Variants in JAKMIP2 observed in about 807,000 individuals in gnomAD.
JAKMIP2 encodes janus kinase and microtubule-interacting protein 2.
JAKMIP2 carries 25 observed loss-of-function variants against 115.0 expected under a neutral mutation model. That is an observed-to-expected ratio of 0.22 (90% CI 0.16 to 0.30). JAKMIP2 has a LOEUF of 0.30. JAKMIP2 is among the 10% of genes least tolerant of loss of function. The pLI, the probability that JAKMIP2 is intolerant of heterozygous loss-of-function variation, is 1.00. For missense variants in JAKMIP2, 642 were observed against 957.6 expected, an observed-to-expected ratio of 0.67 and a Z score of 4.35; for synonymous variants, 334 against 343.6, an observed-to-expected ratio of 0.97 and a Z score of 0.31.
chr5:147,608,055 C>A (rs1337831235), intron 20 of JAKMIP2, among the ~76,000 whole-genome samples: 1 of 151,114 alleles, frequency 6.6e-6, no homozygotes, highest in Non-Finnish European at 1.5e-5. Flanking sequence ...CTATTTGATT[C>A]TTCTCTCTTT....
At chr5:147,773,799 T>C (rs977188129) in intron 1 of JAKMIP2, among the ~76,000 whole-genome samples, 3 of 152,150 alleles carry the variant, frequency 2.0e-5, no homozygotes, top group African/African-American at 7.2e-5. Context: ...CGTAGGCTAA[T>C]ATTTTCCTTT....
chr5:147,693,545 C>A (rs183641212), intron 1 of JAKMIP2, among the ~76,000 whole-genome samples: 1 of 151,616 alleles, frequency 6.6e-6, no homozygotes, highest in African/African-American at 2.4e-5. Flanking sequence ...TGTGGGATTA[C>A]GGGTGGCAAA....
intron 16 of JAKMIP2, among the ~76,000 whole-genome samples, chr5:147,626,519 C>T (rs969522886): frequency 6.6e-5 from 10 of 152,156 alleles, no homozygotes; most frequent in Non-Finnish European, 1.5e-4. Context: ...CAACTTCAGG[C>T]TGTGTGACCT....
At chr5:147,687,191 G>A (rs777477434) in intron 1 of JAKMIP2, among the ~76,000 whole-genome samples, 1 of 152,116 alleles carries the variant, frequency 6.6e-6, no homozygotes, top group Admixed American at 6.6e-5. Flanking sequence ...TGTCATTATT[G>A]ACCATTTACT....
chr5:147,718,458 C>A (rs1393955038), intron 1 of JAKMIP2, among the ~76,000 whole-genome samples: 1 of 152,132 alleles, frequency 6.6e-6, no homozygotes, highest in South Asian at 2.1e-4. Flanking sequence ...TAGAATTCAG[C>A]TGTGAATCCA....
intron 1 of JAKMIP2, among the ~76,000 whole-genome samples, chr5:147,773,392 G>A (rs527443082): frequency 2.2e-4 from 34 of 152,184 alleles, no homozygotes; most frequent in African/African-American, 7.7e-4. Context: ...TTGACTACAC[G>A]GCCAAAGATC....
chr5:147,613,698 G>A (rs975598241), intron 19 of JAKMIP2, among the ~76,000 whole-genome samples: 5 of 152,026 alleles, frequency 3.3e-5, no homozygotes, highest in East Asian at 3.9e-4. Context: ...CTAAACATTC[G>A]ATAAGGCACA....
rs147198648 is a variant in JAKMIP2 at position 147,694,750 on chromosome 5, C to CAGAAT, written c.-148-22801_-148-22797dup. Among the ~76,000 whole-genome samples the CAGAAT allele has an allele frequency of 2.8e-3, 430 of 152,236 alleles. 2 individuals carry two copies. Among genetic ancestry groups the CAGAAT allele is most frequent in the African/African-American group, 0.01 (417 of 41,538 alleles). ...TCACTCTTCTTTGCTGTTGAATAGC[C>CAGAAT]AGAATTCATCTTTGAAAAATTTACT... On this transcript the variant is annotated intron_variant, in intron 1 of 21. Transcript: ENST00000616793.
At chr5:147,653,453 A>T (rs541491657) in intron 3 of JAKMIP2, among the ~76,000 whole-genome samples, 26 of 152,192 alleles carry the variant, frequency 1.7e-4, no homozygotes, top group African/African-American at 6.3e-4. Context: ...GCATTTCTCA[A>T]ATAATCAGAG....
chr5:147,763,903 G>A (rs1016904488), intron 1 of JAKMIP2, among the ~76,000 whole-genome samples: 8 of 152,056 alleles, frequency 5.3e-5, no homozygotes, highest in African/African-American at 1.9e-4. Context: ...AGCAAGAATA[G>A]ACAAAATTAA....
intron 7 of JAKMIP2, among the ~76,000 whole-genome samples, chr5:147,643,672 T>C (rs1316166881): frequency 6.6e-6 from 1 of 152,168 alleles, no homozygotes; most frequent in Non-Finnish European, 1.5e-5. Context: ...AATTGAGACC[T>C]GGGAAACAAG....
In JAKMIP2 at chr5:147,593,481, G is replaced by A. The variant is rs180808747; in HGVS notation, c.*21-1795C>T. Among the ~76,000 whole-genome samples, 16 of 152,296 alleles carry A rather than the reference G, an allele frequency of 1.1e-4. 1 individual carries two copies. In the Middle Eastern group the frequency reaches 0.014, roughly 130 times the overall value. ...CTTCTTCCTCCCTGCTCTCCAGAAC[G>A]GCTGAGCCTTGAAGAGGAAGAGAAG... On this transcript the variant is annotated intron_variant, in intron 21 of 21. Coordinates refer to ENST00000616793, the MANE Select transcript of JAKMIP2 (RefSeq NM_001270941.2).
chr5:147,746,071 T>A (rs2127007263), intron 1 of JAKMIP2, among the ~76,000 whole-genome samples: 1 of 152,268 alleles, frequency 6.6e-6, no homozygotes, highest in Non-Finnish European at 1.5e-5. Flanking sequence ...GAAGATGAGA[T>A]CAAAGTTTGT....
At chr5:147,669,847 G>A (rs1759491344) in intron 2 of JAKMIP2, among the ~76,000 whole-genome samples, 1 of 152,146 alleles carries the variant, frequency 6.6e-6, no homozygotes, top group African/African-American at 2.4e-5. Context: ...TACAAGTCCT[G>A]GTTCTCACCT....
At chr5:147,668,445 G>A (rs1363889823) in intron 2 of JAKMIP2, among the ~76,000 whole-genome samples, 3 of 152,196 alleles carry the variant, frequency 2.0e-5, no homozygotes, top group African/African-American at 4.8e-5. Context: ...AGATCTGGGT[G>A]GAAATCCTTT....
At chr5:147,720,677 C>G (rs1406383937) in intron 1 of JAKMIP2, among the ~76,000 whole-genome samples, 16 of 151,614 alleles carry the variant, frequency 1.1e-4, no homozygotes, top group African/African-American at 3.6e-4. Flanking sequence ...ACGTAGTTCT[C>G]GAGCCTTGGT....
rs1279645647 is a variant in JAKMIP2, at chr5:147,586,710, A to T, written c.*4997T>A. On this transcript the variant is annotated 3_prime_UTR_variant, in exon 22 of 22. Coordinates refer to ENST00000616793, the MANE Select transcript of JAKMIP2 (RefSeq NM_001270941.2). ...CCTATTTTTGCTACATTGCCCCTAT[A>T]AGTATATCTTTAGTAGTTTTTTTCC... 3 of 151,590 alleles carry T rather than the reference A, an allele frequency of 2.0e-5. No individual in the cohort carries two copies. Among genetic ancestry groups the T allele is most frequent in the African/African-American group, 7.3e-5 (3 of 41,280 alleles). 9.4% of individuals were successfully genotyped at this position (151,590 alleles called of 1,614,324 possible). A position where few individuals can be genotyped will look rare whatever the true frequency, so the allele number is the denominator to read the frequency against.
At chr5:147,624,901 TA>T (rs1344824090) in intron 16 of JAKMIP2, among the ~76,000 whole-genome samples, 1 of 152,182 alleles carries the variant, frequency 6.6e-6, no homozygotes, top group African/African-American at 2.4e-5. Flanking sequence ...ATTAAGGAAG[TA>T]AAAAACATGA....
rs1206599159 is a variant in JAKMIP2 at position 147,650,544 on chromosome 5, C to G, written c.631G>C (p.Asp211His). Reference protein sequence around the residue: ...ESERDIRRLMDEIKAKDRIIF... With the variant: ...ESERDIRRLMHEIKAKDRIIF... Reference sequence around the variant, plus strand: ...ATCCTGTCCTTGGCTTTGATTTCATCCATCTGAATTAAATGAGACCCAGGA... The same window carrying G: ...ATCCTGTCCTTGGCTTTGATTTCATGCATCTGAATTAAATGAGACCCAGGA... The change falls in exon 4 of 22, where the codon GAT (aspartate) becomes CAT (histidine). Residue 211 changes from aspartate to histidine, a missense_variant. Asp to His is a moderately conservative substitution (Grantham distance 81). Coordinates refer to ENST00000616793, the MANE Select transcript of JAKMIP2 (RefSeq NM_001270941.2). 1 of 1,610,746 alleles carries G rather than the reference C, an allele frequency of 6.2e-7. No individual in the cohort carries two copies. Among genetic ancestry groups the G allele is most frequent in the Non-Finnish European group, 8.5e-7 (1 of 1,177,956 alleles).
Sources: allele counts gnomAD v4.1 joint callset (sites outside exome capture counted in the v4.1 genomes callset), GRCh38; gene constraint gnomAD v4.1.1; transcripts MANE v1.5; gene names NCBI Gene and HGNC (gene_info 2026-07-23, HGNC 2026-07-21).